NRG3: variants seen among roughly 807,000 people sequenced by gnomAD.
NRG3 encodes the protein neuregulin 3, also known as pro-neuregulin-3, membrane-bound isoform.
A neutral mutation model predicts 66.9 loss-of-function variants in NRG3; 31 were observed. The observed-to-expected ratio is 0.46, with a 90% CI of 0.35 to 0.63. The LOEUF is 0.63. Among genes scored for constraint, NRG3 ranks in the 20% least tolerant of loss-of-function variants. The pLI, the probability that NRG3 is intolerant of heterozygous loss-of-function variation, is 0.00. For synonymous variants in NRG3, 393 were observed against 359.4 expected (o/e 1.09, Z -1.06); for missense variants, 910 against 878.9 (o/e 1.04, Z -0.45).
chr10:81,915,902 CT>C (rs1564654430), intron 1 of NRG3, among the ~76,000 whole-genome samples: 1 of 152,102 alleles, frequency 6.6e-6, no homozygotes, highest in Non-Finnish European at 1.5e-5. Flanking sequence ...ACAGGCCCGT[CT>C]CTTGGTCAAG....
At chr10:82,068,941 T>C (rs1564788057) in intron 1 of NRG3, among the ~76,000 whole-genome samples, 1 of 152,202 alleles carries the variant, frequency 6.6e-6, no homozygotes, top group Non-Finnish European at 1.5e-5. Context: ...CTTGCAAATA[T>C]TTAAAATAAG....
At chr10:82,402,711 G>C (rs188456956) in intron 2 of NRG3, among the ~76,000 whole-genome samples, 2 of 152,100 alleles carry the variant, frequency 1.3e-5, no homozygotes, top group East Asian at 3.9e-4. Context: ...AAAACTTTTA[G>C]TTATTATTTG....
At chr10:82,479,635 G>C (rs892067273) in intron 2 of NRG3, among the ~76,000 whole-genome samples, 4 of 129,984 alleles carry the variant, frequency 3.1e-5, no homozygotes, top group African/African-American at 8.7e-5. Context: ...TTGCACTCCA[G>C]CATGGACAAC....
chr10:82,747,627 T>G (rs2134886109), intron 3 of NRG3, among the ~76,000 whole-genome samples: 1 of 152,196 alleles, frequency 6.6e-6, no homozygotes, highest in East Asian at 1.9e-4. Flanking sequence ...GTTTCATTTG[T>G]ACCTTTATGA....
At chr10:82,170,131 T>C (rs2072453340) in intron 1 of NRG3, among the ~76,000 whole-genome samples, 1 of 152,036 alleles carries the variant, frequency 6.6e-6, no homozygotes, top group Admixed American at 6.6e-5. Flanking sequence ...TATATCCAAA[T>C]TCTATACTCA....
chr10:82,718,316 C>T (rs972737751), intron 2 of NRG3, among the ~76,000 whole-genome samples: 4 of 152,250 alleles, frequency 2.6e-5, no homozygotes, highest in Non-Finnish European at 5.9e-5. Context: ...TTAAAAGATA[C>T]TTGAAGAGGT....
chr10:82,318,180 A>G (rs1015794807), intron 1 of NRG3, among the ~76,000 whole-genome samples: 7 of 151,866 alleles, frequency 4.6e-5, no homozygotes, highest in East Asian at 1.9e-4. Flanking sequence ...GAATTTCCTC[A>G]TGGGCAAAAT....
intron 1 of NRG3, among the ~76,000 whole-genome samples, chr10:82,223,674 C>CACACACAT (rs1554853409): frequency 1.2e-3 from 189 of 151,386 alleles, no homozygotes; most frequent in African/African-American, 4.1e-3. Flanking sequence ...CACACACACA[C>CACACACAT]ACACACACAT....
chr10:82,545,681 G>A (rs2043852245), intron 2 of NRG3, among the ~76,000 whole-genome samples: 4 of 148,398 alleles, frequency 2.7e-5, no homozygotes, highest in Admixed American at 2.0e-4. Context: ...GTGCCCAGCC[G>A]CCAATAACAC....
chr10:82,473,648 G>T (rs958925662), intron 2 of NRG3, among the ~76,000 whole-genome samples: 1 of 152,160 alleles, frequency 6.6e-6, no homozygotes, highest in Non-Finnish European at 1.5e-5. Context: ...TGCCTTCCCA[G>T]TGTCGTTCAG....
intron 1 of NRG3, among the ~76,000 whole-genome samples, chr10:82,076,421 T>C (rs1160100175): frequency 6.6e-6 from 1 of 152,236 alleles, no homozygotes; most frequent in Non-Finnish European, 1.5e-5. Flanking sequence ...ATGATTACTT[T>C]GTGGAGCAAC....
At chr10:82,306,653 G>A (rs1436981491) in intron 1 of NRG3, among the ~76,000 whole-genome samples, 3 of 134,776 alleles carry the variant, frequency 2.2e-5, no homozygotes, top group African/African-American at 8.3e-5. Context: ...TCAGTGAGCC[G>A]AGATCGCGCC....
intron 1 of NRG3, chr10:82,232,562 C>A (rs546796113): frequency 1.8e-6 from 1 of 559,016 alleles, no homozygotes; most frequent in Admixed American, 3.1e-5. Context: ...CCTCAGACTT[C>A]TGACCGTTTT....
chr10:82,068,334 G>A (rs1474838857), intron 1 of NRG3, among the ~76,000 whole-genome samples: 3 of 152,126 alleles, frequency 2.0e-5, no homozygotes, highest in Non-Finnish European at 4.4e-5. Context: ...TTAAAAATGT[G>A]TAAAATAAGG....
Position 82,659,665 on chromosome 10 carries a change from CAAAACAG to C in NRG3, c.954-78906_954-78900del, listed in dbSNP as rs1316282950. ...AGACTCCGTCTCCAGCAAAACAAAG[CAAAACAG>C]AAAACCAAAGAAAAATATTCTAAAG... On this transcript the variant is annotated intron_variant, in intron 2 of 8. Coordinates refer to ENST00000372141, the MANE Select transcript of NRG3 (RefSeq NM_001010848.4). Among the ~76,000 whole-genome samples the C allele has an allele frequency of 1.9e-4, 28 of 151,298 alleles. 1 individual carries two copies. The East Asian group carries it at 5.5e-3, about 30-fold the overall frequency.
intron 4 of NRG3, among the ~76,000 whole-genome samples, chr10:82,906,403 G>C (rs568865759): frequency 6.6e-6 from 1 of 152,188 alleles, no homozygotes; most frequent in African/African-American, 2.4e-5. Flanking sequence ...TGAACTTTGG[G>C]CTTTTATTAA....
chr10:82,238,772 A>G (rs968285209), intron 1 of NRG3, among the ~76,000 whole-genome samples: 1 of 151,872 alleles, frequency 6.6e-6, no homozygotes, highest in Non-Finnish European at 1.5e-5. Flanking sequence ...GTGAGCATAT[A>G]ATCTATCACT....
chr10:82,874,308 T>C (rs555291799), intron 4 of NRG3, among the ~76,000 whole-genome samples: 7 of 152,132 alleles, frequency 4.6e-5, no homozygotes, highest in South Asian at 4.1e-4. Flanking sequence ...TGTTTTTCCT[T>C]TAAATCTAAC....
chr10:82,356,617 C>T (rs1006866557), intron 1 of NRG3, among the ~76,000 whole-genome samples: 3 of 152,144 alleles, frequency 2.0e-5, no homozygotes, highest in Non-Finnish European at 4.4e-5. Context: ...AAAGTATTAA[C>T]AAGCAGATAT....
Sources: gnomAD v4.1 joint callset for allele counts (sites outside exome capture counted in the v4.1 genomes callset) on GRCh38, gnomAD v4.1.1 for gene constraint, MANE v1.5 for transcripts, NCBI Gene and HGNC (gene_info 2026-07-23, HGNC 2026-07-21) for gene names.